C1orf87: variants seen among roughly 807,000 people sequenced by gnomAD.
The protein encoded by C1orf87 is chromosome 1 open reading frame 87.
C1orf87 carries 58 observed loss-of-function variants against 60.5 expected under a neutral mutation model. That is an observed-to-expected ratio of 0.96 (90% CI 0.78 to 1.19). The LOEUF is 1.19. Ranked by LOEUF, C1orf87 falls within the 50% of genes most tolerant of loss-of-function variation. The pLI is 0.00. For missense variants in C1orf87, 673 were observed against 638.6 expected (o/e 1.05, Z -0.58); for synonymous variants, 236 against 227.4 (o/e 1.04, Z -0.34).
intron 11 of C1orf87, 43 bp downstream of exon 11, chr1:59,997,566 C>G: frequency 6.3e-7 from 1 of 1,597,966 alleles, no homozygotes. Context: ...TTAGACTAGA[C>G]CACAAATAGA....
At chr1:60,042,135 T>A (rs1281900746) in intron 3 of C1orf87, among the ~76,000 whole-genome samples, 1 of 152,214 alleles carries the variant, frequency 6.6e-6, no homozygotes, top group African/African-American at 2.4e-5. Flanking sequence ...AATTAACTCT[T>A]TTTTCAAAGG....
At chr1:60,033,697 G>A (rs1286523983) in intron 6 of C1orf87, 56 bp from the exon 7 acceptor site, 3 of 1,550,136 alleles carry the variant, frequency 1.9e-6, no homozygotes, top group Non-Finnish European at 2.6e-6. Flanking sequence ...CAAGGCAGCT[G>A]CATGCTTTCC....
intron 3 of C1orf87, 136 bp from the exon 4 acceptor site, chr1:60,041,267 T>C (rs1645322984): frequency 1.3e-6 from 1 of 743,306 alleles, no homozygotes; most frequent in Non-Finnish European, 2.0e-6. Flanking sequence ...CTTTAGCCCA[T>C]GTATCATTGA....
intron 2 of C1orf87, among the ~76,000 whole-genome samples, chr1:60,065,199 G>A (rs571015474): frequency 6.6e-6 from 1 of 150,626 alleles, no homozygotes; most frequent in East Asian, 1.9e-4. Flanking sequence ...CCATCGGTTT[G>A]TAACAGTAAA....
intron 10 of C1orf87, among the ~76,000 whole-genome samples, chr1:59,998,033 T>G (rs1644975584): frequency 1.3e-5 from 2 of 152,144 alleles, no homozygotes; most frequent in South Asian, 4.1e-4. Flanking sequence ...AAGAGAAGGG[T>G]GACATCATGA....
chr1:60,054,363 A>T (rs1253728532), intron 3 of C1orf87, among the ~76,000 whole-genome samples: 1 of 152,234 alleles, frequency 6.6e-6, no homozygotes, highest in Non-Finnish European at 1.5e-5. Flanking sequence ...GCAGAAGATC[A>T]CAAATCCATA....
chr1:60,005,770 CGTGTGTGTGTGT>C (rs139222813), intron 9 of C1orf87, among the ~76,000 whole-genome samples: 1 of 144,006 alleles, frequency 6.9e-6, no homozygotes, highest in South Asian at 2.2e-4. Flanking sequence ...GAAGCTGATT[CGTGTGTGTGTGT>C]GTGTGTGTGC....
chr1:60,024,920 A>T (rs1409931986), intron 8 of C1orf87, among the ~76,000 whole-genome samples: 1 of 152,226 alleles, frequency 6.6e-6, no homozygotes. Flanking sequence ...ATGGCCAAGA[A>T]GACCCTTTGG....
At position 60,040,078 on chromosome 1, in the gene C1orf87, C is replaced by A. The variant is rs775972510; in HGVS notation, c.586G>T (p.Glu196Ter). 1 of 1,614,084 alleles carries A rather than the reference C, an allele frequency of 6.2e-7. No homozygotes were observed. Among genetic ancestry groups the A allele is most frequent in the Non-Finnish European group, 8.5e-7 (1 of 1,180,046 alleles). Reference sequence around the variant, plus strand: ...ATCTTCAGCTCTTTCTGAAGCTTTTCTAATAAGTTGGAACTCAAAGGACGT... The same window carrying A: ...ATCTTCAGCTCTTTCTGAAGCTTTTATAATAAGTTGGAACTCAAAGGACGT... ...KSRPLSSNLL[E>*]KLQKELKILD... Residue 196 changes from glutamate to a stop codon, truncating the protein, a stop_gained, in exon 5 of 12, where the codon GAA (glutamate) becomes TAA (stop). Coordinates refer to ENST00000371201, the MANE Select transcript of C1orf87 (RefSeq NM_152377.3). LOFTEE classifies it high-confidence loss of function.
chr1:60,057,046 A>G (rs1645462143), intron 2 of C1orf87, among the ~76,000 whole-genome samples: 1 of 152,208 alleles, frequency 6.6e-6, no homozygotes, highest in Non-Finnish European at 1.5e-5. Flanking sequence ...AAGGCCTAGG[A>G]AAAAACTCTG....
chr1:60,010,270 T>G (rs1002092874), intron 9 of C1orf87, 122 bp downstream of exon 9: 8 of 904,822 alleles, frequency 8.8e-6, no homozygotes, highest in Admixed American at 2.2e-5. Context: ...GGGGAGCTAT[T>G]TACATTTCTG....
intron 6 of C1orf87, among the ~76,000 whole-genome samples, chr1:60,037,625 C>A (rs539770986): frequency 3.3e-5 from 5 of 152,312 alleles, no homozygotes; most frequent in Admixed American, 2.6e-4. Context: ...ATGACCTCAT[C>A]GCCTCCTATT....
chr1:60,018,463 C>T lies in C1orf87; in HGVS notation c.1127+6938G>A, dbSNP rs191341433. The stretch of plus-strand genomic sequence containing the variant: ...GTAAGTAGCCTAACACTATTTGCTC[C>T]GCATTTTCTCTTGGTCTCATATTCC... On this transcript the variant is annotated intron_variant, in intron 8 of 11. Coordinates refer to ENST00000371201, the MANE Select transcript of C1orf87 (RefSeq NM_152377.3). 1.0e-3 allele frequency among the ~76,000 whole-genome samples: 153 copies of T among 152,050 alleles called. 2 individuals are homozygous for T. In the East Asian group the frequency reaches 0.026, roughly 26 times the overall value.
At chr1:60,026,123 T>A (rs193072471) in intron 7 of C1orf87, among the ~76,000 whole-genome samples, 11 of 152,296 alleles carry the variant, frequency 7.2e-5, no homozygotes, top group Non-Finnish European at 1.3e-4. Flanking sequence ...AGTTCAGTTC[T>A]CAGGTTGGTG....
intron 9 of C1orf87, among the ~76,000 whole-genome samples, chr1:60,006,416 C>T (rs960860206): frequency 6.6e-6 from 1 of 152,052 alleles, no homozygotes; most frequent in Non-Finnish European, 1.5e-5. Flanking sequence ...TAATTAGTAA[C>T]TAGTATGAGT....
chr1:60,004,763 A>G lies in C1orf87; in HGVS notation c.1193-3607T>C, dbSNP rs7520138. Among the ~76,000 whole-genome samples the G allele has an allele frequency of 3.4e-3, 513 of 152,092 alleles. 1 individual carries two copies. Among genetic ancestry groups the G allele is most frequent in the African/African-American group, 0.012 (492 of 41,548 alleles). ...CAGTTGAAGATTTGTACCAGAGGAA[A>G]TAAGCCAAGCTGGCTTCTAGAGATT... is the stretch of plus-strand genomic sequence containing the variant. On this transcript the variant is annotated intron_variant, in intron 9 of 11. Coordinates refer to ENST00000371201, the MANE Select transcript of C1orf87 (RefSeq NM_152377.3).
At chr1:60,042,861 C>T (rs932873649) in intron 3 of C1orf87, among the ~76,000 whole-genome samples, 5 of 152,150 alleles carry the variant, frequency 3.3e-5, no homozygotes, top group African/African-American at 1.2e-4. Context: ...GGAGGCATAG[C>T]AAGTAACCAT....
At chr1:60,001,023 G>A (rs1330494031) in intron 10 of C1orf87, 54 bp downstream of exon 10, 4 of 1,446,396 alleles carry the variant, frequency 2.8e-6, no homozygotes. Context: ...TCAGAGAAAA[G>A]GCCAAGTATC....
At chr1:60,001,177 A>T in intron 9 of C1orf87, 21 bp from the exon 10 acceptor site, 1 of 1,534,748 alleles carries the variant, frequency 6.5e-7, no homozygotes, top group Non-Finnish European at 8.8e-7. Flanking sequence ...ATAAAAAAAA[A>T]AAAAGGAAGG....
Sources: gnomAD v4.1 joint callset for allele counts (sites outside exome capture counted in the v4.1 genomes callset) on GRCh38, gnomAD v4.1.1 for gene constraint, MANE v1.5 for transcripts, NCBI Gene and HGNC (gene_info 2026-07-23, HGNC 2026-07-21) for gene names.